Variants in MKLN1 observed in about 807,000 individuals in gnomAD.
MKLN1 encodes muskelin 1.
MKLN1 carries 18 observed loss-of-function variants against 99.0 expected under a neutral mutation model. The ratio of observed to expected loss-of-function variants is 0.18; its 90% CI spans 0.13 to 0.27. The LOEUF is 0.27. MKLN1 is among the 10% of genes least tolerant of loss of function. The probability of loss-of-function intolerance (pLI) is 1.00; values close to 1 mark genes in which losing one functional copy is unlikely to be tolerated. For synonymous variants in MKLN1, 288 were observed against 293.2 expected (o/e 0.98, Z 0.18); for missense variants, 621 against 875.9 (o/e 0.71, Z 3.67).
In MKLN1 at chr7:131,488,287, T is replaced by C. The variant is rs2116714927; in HGVS notation, c.*559T>C. On this transcript the variant is annotated 3_prime_UTR_variant, in exon 18 of 18. Transcript: ENST00000352689. ...TTGATGTATGTTAAGGTGATATCTG[T>C]GTCTGTATTGACTTGTCTTGTGTTA... The C allele has an allele frequency of 6.6e-6, 1 of 152,264 alleles. No homozygotes were observed. Among genetic ancestry groups the C allele is most frequent in the South Asian group, 2.1e-4 (1 of 4,828 alleles). The allele number at this position is 152,264 out of a possible 1,614,324, so 9.4% of individuals were successfully genotyped here.
At chr7:131,278,447 A>G (rs1377808697) in intron 3 of MKLN1, among the ~76,000 whole-genome samples, 1 of 152,170 alleles carries the variant, frequency 6.6e-6, no homozygotes, top group Non-Finnish European at 1.5e-5. Flanking sequence ...AGGCCCTTGA[A>G]TGCAAAGCTT....
At chr7:131,351,750 AG>A (rs1410625664) in intron 1 of MKLN1, among the ~76,000 whole-genome samples, 3 of 152,172 alleles carry the variant, frequency 2.0e-5, no homozygotes, top group Admixed American at 2.0e-4. Context: ...ACCACTCCCT[AG>A]GTGGTGCCAT....
At chr7:131,168,385 T>A (rs999306176) in intron 2 of MKLN1, among the ~76,000 whole-genome samples, 1 of 152,130 alleles carries the variant, frequency 6.6e-6, no homozygotes, top group Non-Finnish European at 1.5e-5. Context: ...GACACAATTA[T>A]GAAACAATAA....
At position 131,240,130 on chromosome 7, in the gene MKLN1, GT is replaced by G. The variant is rs554717155; in HGVS notation, c.-179+37157del. On this transcript the variant is annotated intron_variant, in intron 3 of 7. Coordinates refer to the MKLN1 transcript ENST00000416992. ...CAGGAAGTCGAGACTGCAGTGAGCC[GT>G]GATCATGCCACTGTACTCCAGCCTG... is the stretch of plus-strand genomic sequence containing the variant. Among the ~76,000 whole-genome samples, 824 of 152,240 alleles carry G rather than the reference GT, an allele frequency of 5.4e-3. 5 individuals are homozygous for G. The highest frequency in any genetic ancestry group is 0.019 in the African/African-American group (779 of 41,554).
At chr7:131,478,765 A>C in intron 17 of MKLN1, 88 bp downstream of exon 17, 1 of 1,387,290 alleles carries the variant, frequency 7.2e-7, no homozygotes, top group Non-Finnish European at 1.0e-6. Context: ...ACATCAGGTG[A>C]GATGTTTCAG....
intron 1 of MKLN1, among the ~76,000 whole-genome samples, chr7:131,128,640 T>C (rs757620989): frequency 6.6e-6 from 1 of 152,204 alleles, no homozygotes; most frequent in Admixed American, 6.5e-5. Flanking sequence ...TTTTTTTTCA[T>C]AGGGTCTTGT....
intron 12 of MKLN1, among the ~76,000 whole-genome samples, chr7:131,460,224 C>G (rs536572298): frequency 6.6e-6 from 1 of 152,176 alleles, no homozygotes; most frequent in South Asian, 2.1e-4. Context: ...CCTGGTTGTT[C>G]TATTTGTTCA....
At chr7:131,422,391 A>AT (rs910414374) in intron 8 of MKLN1, among the ~76,000 whole-genome samples, 7 of 151,872 alleles carry the variant, frequency 4.6e-5, no homozygotes, top group African/African-American at 1.7e-4. Context: ...TCTGCAAAAT[A>AT]TTTTTTTTAG....
intron 1 of MKLN1, among the ~76,000 whole-genome samples, chr7:131,121,748 C>G (rs988236131): frequency 1.3e-5 from 2 of 150,372 alleles, no homozygotes; most frequent in Non-Finnish European, 3.0e-5. Flanking sequence ...ATCAAAAGTT[C>G]TAAGTGCAGA....
At chr7:131,144,093 A>AT in intron 2 of MKLN1, among the ~76,000 whole-genome samples, 1 of 152,128 alleles carries the variant, frequency 6.6e-6, no homozygotes, top group Non-Finnish European at 1.5e-5. Flanking sequence ...AGGGCAGGCA[A>AT]TTTTTTTGTT....
chr7:131,160,905 G>A (rs1796038322), intron 2 of MKLN1, among the ~76,000 whole-genome samples: 1 of 152,146 alleles, frequency 6.6e-6, no homozygotes, highest in Non-Finnish European at 1.5e-5. Context: ...AAGGGGAGAA[G>A]TATAGGAGCA....
At chr7:131,350,752 G>T (rs1410135710) in intron 1 of MKLN1, among the ~76,000 whole-genome samples, 1 of 152,114 alleles carries the variant, frequency 6.6e-6, no homozygotes. Context: ...CATCACCTTT[G>T]CCATATTCTC....
chr7:131,350,001 CT>C (rs3839669), intron 1 of MKLN1, among the ~76,000 whole-genome samples: 56,066 of 151,796 alleles, frequency 0.37, 10,495 homozygotes, highest in East Asian at 0.48. Context: ...GATAAGTTGA[CT>C]TGAGTTTTGC....
intron 2 of MKLN1, among the ~76,000 whole-genome samples, chr7:131,183,704 T>C (rs1006242620): frequency 3.3e-5 from 5 of 152,204 alleles, no homozygotes; most frequent in Non-Finnish European, 7.3e-5. Flanking sequence ...TCAATGTTTC[T>C]GAAGTTTTCC....
intron 14 of MKLN1, 23 bp from the exon 15 acceptor site, chr7:131,466,253 C>A (rs754486229): frequency 2.0e-6 from 3 of 1,535,332 alleles, no homozygotes; most frequent in Non-Finnish European, 2.7e-6. Flanking sequence ...TTTTAAAAAT[C>A]TGGCTTATTT....
chr7:131,285,691 G>T (rs1243106521), intron 3 of MKLN1, among the ~76,000 whole-genome samples: 5 of 152,202 alleles, frequency 3.3e-5, no homozygotes, highest in African/African-American at 1.2e-4. Flanking sequence ...GCTGAGCTGA[G>T]GGTGTGGTTT....
In MKLN1 at chr7:131,157,974, G is replaced by A. The variant is rs1237091398; in HGVS notation, c.-297+15033G>A. ...GGTGACAGACCTTCTGTCCCTGCCC[G>A]AGGAATCCCGTCCACTGTGGCCACC... On this transcript the variant is annotated intron_variant, in intron 2 of 7. Coordinates refer to the MKLN1 transcript ENST00000416992. Among the ~76,000 whole-genome samples the A allele has an allele frequency of 2.6e-5, 4 of 152,248 alleles. No individual in the cohort carries two copies. The East Asian group carries it at 5.8e-4, about 22-fold the overall frequency.
chr7:131,233,399 A>AATAAATAAATAC (rs1554540654), intron 3 of MKLN1, among the ~76,000 whole-genome samples: 1 of 149,804 alleles, frequency 6.7e-6, no homozygotes, highest in African/African-American at 2.5e-5. Context: ...TAAATAAATA[A>AATAAATAAATAC]ATAAATAAAA....
intron 3 of MKLN1, among the ~76,000 whole-genome samples, chr7:131,229,318 C>T (rs561558221): frequency 2.0e-5 from 3 of 152,122 alleles, no homozygotes; most frequent in Non-Finnish European, 4.4e-5. Flanking sequence ...CTCTAGCCCC[C>T]CACCTGCCCA....
Sources: gnomAD v4.1 joint callset for allele counts (sites outside exome capture counted in the v4.1 genomes callset) on GRCh38, gnomAD v4.1.1 for gene constraint, MANE v1.5 for transcripts, NCBI Gene and HGNC (gene_info 2026-07-23, HGNC 2026-07-21) for gene names.